Variants in MGAT4C observed in about 807,000 individuals in gnomAD.
The protein encoded by MGAT4C is alpha-1,3-mannosyl-glycoprotein 4-beta-N-acetylglucosaminyltransferase C.
Under a neutral mutation model 40.1 loss-of-function variants are expected in MGAT4C, and 19 were observed. The observed-to-expected ratio is 0.47, with a 90% CI of 0.33 to 0.70. The LOEUF is 0.70. Ranked by LOEUF, MGAT4C falls within the 30% of genes least tolerant of loss-of-function variation. The probability of loss-of-function intolerance (pLI) is 0.02; values close to 1 mark genes in which losing one functional copy is unlikely to be tolerated. For missense variants in MGAT4C, 491 were observed against 563.2 expected (o/e 0.87, Z 1.30); for synonymous variants, 181 against 187.1 (o/e 0.97, Z 0.27).
chr12:86,602,659 T>A (rs1208281352), intron 2 of MGAT4C, among the ~76,000 whole-genome samples: 1 of 152,196 alleles, frequency 6.6e-6, no homozygotes, highest in Admixed American at 6.5e-5. Flanking sequence ...ATTACTTTTT[T>A]AAATGTTTTC....
chr12:86,222,319 A>G (rs1950912345), intron 1 of MGAT4C, among the ~76,000 whole-genome samples: 1 of 152,226 alleles, frequency 6.6e-6, no homozygotes, highest in Non-Finnish European at 1.5e-5. Flanking sequence ...CTTTCGAACT[A>G]AACAATGAGC....
Position 86,245,545 on chromosome 12 carries a change from A to C in MGAT4C, c.-57+10694T>G, listed in dbSNP as rs151137837. On this transcript the variant is annotated intron_variant, in intron 1 of 4. Coordinates refer to ENST00000611864, the MANE Select transcript of MGAT4C (RefSeq NM_001351288.2). The stretch of plus-strand genomic sequence containing the variant: ...GTCATCTTCAGTTTAGCCCGAATAC[A>C]AGAGATTTCTGAGTGAGTATCTTTG... 3.5e-3 allele frequency among the ~76,000 whole-genome samples: 538 copies of C among 152,260 alleles called. 4 individuals are homozygous for C. The highest frequency in any genetic ancestry group is 0.012 in the African/African-American group (513 of 41,544).
At chr12:86,170,991 G>A (rs112403050) in intron 1 of MGAT4C, among the ~76,000 whole-genome samples, 14 of 152,124 alleles carry the variant, frequency 9.2e-5, no homozygotes, top group African/African-American at 2.7e-4. Context: ...CGGACATTCT[G>A]TTCTCTGAGG....
intron 1 of MGAT4C, among the ~76,000 whole-genome samples, chr12:86,081,244 A>G (rs1463007801): frequency 1.3e-5 from 2 of 152,198 alleles, no homozygotes; most frequent in Non-Finnish European, 2.9e-5. Flanking sequence ...CTGGCACACT[A>G]TAGATGGTAA....
intron 1 of MGAT4C, among the ~76,000 whole-genome samples, chr12:86,091,863 A>C (rs1185378795): frequency 1.4e-5 from 2 of 147,500 alleles, no homozygotes; most frequent in Non-Finnish European, 2.9e-5. Context: ...AGACACAAAG[A>C]CATTACGAGA....
chr12:86,700,066 A>AGAT (rs1555220815), intron 2 of MGAT4C, among the ~76,000 whole-genome samples: 221 of 11,418 alleles, frequency 0.019, no homozygotes, highest in East Asian at 0.04. Flanking sequence ...ATAGATAGAT[A>AGAT]AGATAGATAG....
intron 1 of MGAT4C, among the ~76,000 whole-genome samples, chr12:86,203,734 G>C (rs1354911389): frequency 1.3e-5 from 2 of 151,714 alleles, no homozygotes; most frequent in African/African-American, 4.8e-5. Flanking sequence ...GAGGCGGGCG[G>C]ATCACCTGAG....
At chr12:86,589,563 A>C (rs1403307655) in intron 2 of MGAT4C, among the ~76,000 whole-genome samples, 1 of 152,024 alleles carries the variant, frequency 6.6e-6, no homozygotes, top group African/African-American at 2.4e-5. Flanking sequence ...TGAGGCCAGC[A>C]TCATCCTGAT....
intron 2 of MGAT4C, among the ~76,000 whole-genome samples, chr12:86,576,948 C>T (rs1390873442): frequency 6.6e-6 from 1 of 151,800 alleles, no homozygotes; most frequent in Non-Finnish European, 1.5e-5. Flanking sequence ...TTCTTCCAAT[C>T]TATGCAAATG....
At chr12:86,033,097 G>T (rs1890907916) in intron 2 of MGAT4C, among the ~76,000 whole-genome samples, 1 of 149,600 alleles carries the variant, frequency 6.7e-6, no homozygotes, top group South Asian at 2.1e-4. Flanking sequence ...TTATTTCTGT[G>T]ATCTCTATTC....
intron 1 of MGAT4C, among the ~76,000 whole-genome samples, chr12:86,729,639 A>G (rs1167080438): frequency 1.3e-5 from 2 of 151,666 alleles, no homozygotes; most frequent in African/African-American, 4.8e-5. Flanking sequence ...ATGCATATAT[A>G]TTAAATATAA....
chr12:86,682,374 A>AT (rs1274947813), intron 2 of MGAT4C, among the ~76,000 whole-genome samples: 1 of 152,204 alleles, frequency 6.6e-6, no homozygotes, highest in East Asian at 1.9e-4. Context: ...CAGTTTACTA[A>AT]TTACACAATA....
intron 1 of MGAT4C, among the ~76,000 whole-genome samples, chr12:86,082,331 G>A (rs181667435): frequency 3.7e-4 from 56 of 152,180 alleles, no homozygotes; most frequent in East Asian, 1.9e-4. Flanking sequence ...AAAATCTTAC[G>A]GTTCTTTTTA....
intron 4 of MGAT4C, among the ~76,000 whole-genome samples, chr12:86,305,256 A>G (rs1240563876): frequency 6.0e-5 from 9 of 150,008 alleles, no homozygotes; most frequent in Admixed American, 5.3e-4. Flanking sequence ...CCTGACCAAC[A>G]TGGAGAAACA....
chr12:86,604,388 C>A (rs1423572050), intron 2 of MGAT4C, among the ~76,000 whole-genome samples: 2 of 152,060 alleles, frequency 1.3e-5, no homozygotes, highest in Admixed American at 6.6e-5. Context: ...GTAAGACCCC[C>A]AAAAGGGCTC....
At chr12:86,762,842 T>A (rs189058987) in intron 1 of MGAT4C, among the ~76,000 whole-genome samples, 1 of 152,204 alleles carries the variant, frequency 6.6e-6, no homozygotes, top group Non-Finnish European at 1.5e-5. Flanking sequence ...AAGAGCCATA[T>A]TGATGATGCT....
intron 3 of MGAT4C, among the ~76,000 whole-genome samples, chr12:86,359,553 G>T (rs1955405977): frequency 6.6e-6 from 1 of 151,638 alleles, no homozygotes; most frequent in South Asian, 2.1e-4. Context: ...CTGGTTTTTT[G>T]AAAAGATCAA....
chr12:86,287,148 G>A (rs377522231), intron 4 of MGAT4C, among the ~76,000 whole-genome samples: 19 of 151,958 alleles, frequency 1.3e-4, no homozygotes, highest in African/African-American at 4.6e-4. Flanking sequence ...TGAGATCTTT[G>A]AGAAATCACC....
chr12:86,526,825 G>A (rs1958892046), intron 2 of MGAT4C, among the ~76,000 whole-genome samples: 1 of 152,170 alleles, frequency 6.6e-6, no homozygotes, highest in South Asian at 2.1e-4. Flanking sequence ...ACTTCTCTAA[G>A]CAGCTCTCCC....
Sources: allele counts gnomAD v4.1 joint callset (sites outside exome capture counted in the v4.1 genomes callset), GRCh38; gene constraint gnomAD v4.1.1; transcripts MANE v1.5; gene names NCBI Gene and HGNC (gene_info 2026-07-23, HGNC 2026-07-21).